Variants in NRXN1 observed in about 807,000 individuals in gnomAD.
NRXN1 encodes the protein neurexin-1.
In NRXN1, 39 loss-of-function variants were observed where a neutral mutation model predicts 150.9. The ratio of observed to expected loss-of-function variants is 0.26; its 90% confidence interval spans 0.20 to 0.34. The LOEUF (loss-of-function observed/expected upper bound fraction) is 0.34, where lower values mean the gene tolerates loss of function less well. Among genes scored for constraint, NRXN1 ranks in the 10% least tolerant of loss-of-function variants. The probability of loss-of-function intolerance (pLI) is 1.00; values close to 1 mark genes in which losing one functional copy is unlikely to be tolerated. For missense variants in NRXN1, 1,815 were observed against 1,949.9 expected, an observed-to-expected ratio of 0.93 and a Z score of 1.30; for synonymous variants, 924 against 757.0, an observed-to-expected ratio of 1.22 and a Z score of -3.62.
intron 5 of NRXN1, among the ~76,000 whole-genome samples, chr2:50,731,756 A>G (rs149261338): frequency 1.7e-3 from 266 of 152,320 alleles, no homozygotes; most frequent in African/African-American, 6.0e-3. Flanking sequence ...TTTCATAGCT[A>G]TCAATTTATA....
intron 21 of NRXN1, among the ~76,000 whole-genome samples, chr2:50,018,065 T>A (rs13417454): frequency 0.013 from 1,914 of 152,264 alleles, 39 homozygotes; most frequent in African/African-American, 0.042. Context: ...CCTTGATGCT[T>A]TCCCTGGTGT....
intron 5 of NRXN1, among the ~76,000 whole-genome samples, chr2:50,673,104 G>A (rs969875523): frequency 2.0e-5 from 3 of 151,932 alleles, no homozygotes; most frequent in Admixed American, 6.6e-5. Context: ...AAATGAAGAC[G>A]GTGGCAATAA....
chr2:50,969,827 G>A (rs1397050945), intron 2 of NRXN1, among the ~76,000 whole-genome samples: 1 of 152,136 alleles, frequency 6.6e-6, no homozygotes, highest in Non-Finnish European at 1.5e-5. Context: ...TTGGAGAAAA[G>A]ACAAACACAT....
intron 5 of NRXN1, among the ~76,000 whole-genome samples, chr2:50,786,971 G>A (rs990513478): frequency 7.2e-5 from 11 of 152,094 alleles, no homozygotes; most frequent in Non-Finnish European, 1.5e-4. Context: ...TACTATCAGT[G>A]CAGCAAATGC....
At chr2:50,074,864 T>C (rs72891421) in intron 19 of NRXN1, among the ~76,000 whole-genome samples, 3,119 of 152,326 alleles carry the variant, frequency 0.02, 89 homozygotes, top group African/African-American at 0.071. Flanking sequence ...TTGGTTTGTT[T>C]TGGTTTGGCT....
intron 8 of NRXN1, among the ~76,000 whole-genome samples, chr2:50,594,633 A>G (rs923461623): frequency 5.3e-5 from 8 of 152,214 alleles, no homozygotes; most frequent in African/African-American, 1.9e-4. Flanking sequence ...GTCTCTTTCT[A>G]AGGCCCATAG....
At chr2:50,838,934 G>A (rs1183606967) in intron 5 of NRXN1, among the ~76,000 whole-genome samples, 2 of 152,034 alleles carry the variant, frequency 1.3e-5, no homozygotes, top group Non-Finnish European at 1.5e-5. Context: ...AGTCCCATAA[G>A]CCAAAACACT....
intron 18 of NRXN1, among the ~76,000 whole-genome samples, chr2:50,206,909 C>T: frequency 6.6e-6 from 1 of 150,546 alleles, no homozygotes; most frequent in African/African-American, 2.4e-5. Flanking sequence ...CACACACATA[C>T]ATATACACAC....
At chr2:50,750,541 T>G (rs976694817) in intron 5 of NRXN1, among the ~76,000 whole-genome samples, 2 of 152,010 alleles carry the variant, frequency 1.3e-5, no homozygotes, top group African/African-American at 4.8e-5. Flanking sequence ...TGTATACATA[T>G]GTAACAAACC....
intron 8 of NRXN1, among the ~76,000 whole-genome samples, chr2:50,607,425 T>G (rs1033626092): frequency 6.6e-6 from 1 of 152,178 alleles, no homozygotes; most frequent in Non-Finnish European, 1.5e-5. Flanking sequence ...AGAAGCAGCA[T>G]TCCCCTAAAT....
In NRXN1 at chr2:50,658,411, G is replaced by GGTGGGTGTGTGTGT. The variant is rs1553935214; in HGVS notation, c.833-34797_833-34796insACACACACACCCAC. Reference sequence around the variant, plus strand: ...TTAATTTACAGGAAATGCATTCACTGGTGTGTGTGTGTGTGTGTGTGTGTG... The same window carrying GGTGGGTGTGTGTGT: ...TTAATTTACAGGAAATGCATTCACTGGTGGGTGTGTGTGTGTGTGTGTGTGTGTGTGTGTGTGTG... On this transcript the variant is annotated intron_variant, in intron 5 of 22. Transcript: ENST00000401669. Among the ~76,000 whole-genome samples, 45 of 144,780 alleles carry GGTGGGTGTGTGTGT rather than the reference G, an allele frequency of 3.1e-4. No homozygotes were observed. In the East Asian group the frequency reaches 5.0e-3, roughly 16 times the overall value. 95.0% of individuals were successfully genotyped at this position (144,780 alleles called of 152,430 possible). A position where few individuals can be genotyped will look rare whatever the true frequency, so the allele number is the denominator to read the frequency against.
At chr2:49,941,670 T>G (rs1671997633) in intron 22 of NRXN1, among the ~76,000 whole-genome samples, 1 of 152,106 alleles carries the variant, frequency 6.6e-6, no homozygotes, top group African/African-American at 2.4e-5. Flanking sequence ...TAGTAAGAAC[T>G]TCAACAGTTT....
At chr2:50,936,649 G>C (rs1331396036) in intron 2 of NRXN1, among the ~76,000 whole-genome samples, 1 of 152,118 alleles carries the variant, frequency 6.6e-6, no homozygotes, top group Non-Finnish European at 1.5e-5. Flanking sequence ...GGAAAGCACA[G>C]TGGAAAGAGA....
At chr2:50,570,434 T>C (rs1002929780) in intron 8 of NRXN1, among the ~76,000 whole-genome samples, 2 of 152,168 alleles carry the variant, frequency 1.3e-5, no homozygotes, top group African/African-American at 4.8e-5. Context: ...CTTATAAGTA[T>C]CGTAAATCCA....
intron 17 of NRXN1, among the ~76,000 whole-genome samples, chr2:50,453,796 C>T (rs1251781871): frequency 2.0e-5 from 3 of 152,188 alleles, no homozygotes; most frequent in Middle Eastern, 3.4e-3. Flanking sequence ...AAGTGATATG[C>T]TACTACTGTA....
chr2:50,327,276 C>A (rs1171081295), intron 17 of NRXN1, among the ~76,000 whole-genome samples: 1 of 151,998 alleles, frequency 6.6e-6, no homozygotes, highest in Non-Finnish European at 1.5e-5. Context: ...TCCAAAGAAA[C>A]CAGACACAAA....
chr2:50,047,801 G>A (rs969189700), intron 21 of NRXN1, among the ~76,000 whole-genome samples: 4 of 151,438 alleles, frequency 2.6e-5, no homozygotes, highest in East Asian at 1.9e-4. Context: ...ACATAAGTTC[G>A]GTGCAGAAAA....
intron 8 of NRXN1, among the ~76,000 whole-genome samples, chr2:50,603,121 G>T (rs1045437225): frequency 6.6e-6 from 1 of 152,170 alleles, no homozygotes; most frequent in Non-Finnish European, 1.5e-5. Context: ...TGAGGCAACT[G>T]CACACAGAGC....
At chr2:50,485,973 T>C (rs1287683658) in intron 15 of NRXN1, among the ~76,000 whole-genome samples, 1 of 152,236 alleles carries the variant, frequency 6.6e-6, no homozygotes, top group Non-Finnish European at 1.5e-5. Flanking sequence ...GAGCTTTGAT[T>C]AGTAACTCAG....
Sources: allele counts gnomAD v4.1 joint callset (sites outside exome capture counted in the v4.1 genomes callset), GRCh38; gene constraint gnomAD v4.1.1; transcripts MANE v1.5; gene names NCBI Gene and HGNC (gene_info 2026-07-23, HGNC 2026-07-21).